SHANK2: variants seen among roughly 807,000 people sequenced by gnomAD.
The protein encoded by SHANK2 is SH3 and multiple ankyrin repeat domains 2, also known as SH3 and multiple ankyrin repeat domains protein 2.
Under a neutral mutation model 133.7 loss-of-function variants are expected in SHANK2, and 43 were observed. That is an observed-to-expected ratio of 0.32 (90% CI 0.25 to 0.41). SHANK2 has a LOEUF of 0.41. SHANK2 is among the 10% of genes least tolerant of loss of function. The probability of loss-of-function intolerance (pLI) is 1.00; values close to 1 mark genes in which losing one functional copy is unlikely to be tolerated. For synonymous variants in SHANK2, 1,017 were observed against 952.8 expected, an observed-to-expected ratio of 1.07 and a Z score of -1.24; for missense variants, 1,994 against 2,235.8, an observed-to-expected ratio of 0.89 and a Z score of 2.18.
chr11:70,687,023 G>A (rs1354679470), intron 15 of SHANK2, among the ~76,000 whole-genome samples: 1 of 152,220 alleles, frequency 6.6e-6, no homozygotes, highest in African/African-American at 2.4e-5. Context: ...GTCAGGCCCT[G>A]GAATCCCAAC....
At chr11:70,765,360 A>G (rs1168211523) in intron 14 of SHANK2, among the ~76,000 whole-genome samples, 1 of 152,202 alleles carries the variant, frequency 6.6e-6, no homozygotes, top group East Asian at 1.9e-4. Flanking sequence ...ATGACTGGGA[A>G]AGAGGCAGTC....
chr11:71,125,999 C>G (rs1160439990), intron 3 of SHANK2, among the ~76,000 whole-genome samples: 1 of 152,050 alleles, frequency 6.6e-6, no homozygotes, highest in Non-Finnish European at 1.5e-5. Context: ...GTGGGCGGAT[C>G]ATGAGGTCAA....
intron 17 of SHANK2, among the ~76,000 whole-genome samples, chr11:70,520,934 G>T (rs1391272380): frequency 3.3e-5 from 5 of 152,100 alleles, no homozygotes; most frequent in African/African-American, 1.2e-4. Flanking sequence ...TTCCTTTCCG[G>T]TTCTACAGGA....
At position 70,485,294 on chromosome 11, in the gene SHANK2, T is replaced by G. The variant is rs781892164; in HGVS notation, c.4979+20A>C. The G allele has an allele frequency of 6.2e-7, 1 of 1,604,598 alleles. No homozygotes were observed. Among genetic ancestry groups the G allele is most frequent in the Non-Finnish European group, 8.5e-7 (1 of 1,172,492 alleles). ...CAGTGCACGCAGAGCGGTGTGCATGTGCACCAACCGCGGACTTACCTTGGA... is the reference window on the plus strand; with the variant it reads ...CAGTGCACGCAGAGCGGTGTGCATGGGCACCAACCGCGGACTTACCTTGGA... On this transcript the variant is annotated intron_variant, in intron 25 of 25. Coordinates refer to ENST00000601538, the MANE Select transcript of SHANK2 (RefSeq NM_012309.5). This position sits in a 1 kb window ranked among gnomAD's most constrained non-coding sequence, Gnocchi z 5.8.
At chr11:70,734,440 C>T (rs552233218) in intron 14 of SHANK2, among the ~76,000 whole-genome samples, 9 of 152,296 alleles carry the variant, frequency 5.9e-5, no homozygotes, top group African/African-American at 2.2e-4. Context: ...TCCACACGCT[C>T]CACACTGACA....
intron 10 of SHANK2, among the ~76,000 whole-genome samples, chr11:70,916,323 G>A (rs1950268430): frequency 2.6e-5 from 4 of 152,164 alleles, no homozygotes; most frequent in Admixed American, 2.0e-4. Flanking sequence ...CATGGAAATG[G>A]CCTAGTTGCA....
chr11:71,247,845 G>A (rs2135832366), intron 1 of SHANK2, among the ~76,000 whole-genome samples: 2 of 152,312 alleles, frequency 1.3e-5, no homozygotes, highest in South Asian at 2.1e-4. Context: ...TACCCAGCAA[G>A]GACAATTTTA....
Position 70,804,297 on chromosome 11 carries a change from G to A in SHANK2, c.1663+2705C>T, listed in dbSNP as rs1948115243. Among the ~76,000 whole-genome samples, 1 of 152,184 alleles carries A rather than the reference G, an allele frequency of 6.6e-6. No individual in the cohort carries two copies. Among genetic ancestry groups the A allele is most frequent in the Non-Finnish European group, 1.5e-5 (1 of 68,024 alleles). On this transcript the variant is annotated intron_variant, in intron 13 of 25. Coordinates refer to ENST00000601538, the MANE Select transcript of SHANK2 (RefSeq NM_012309.5). The surrounding 1 kb of genome is among the most constrained non-coding windows in gnomAD (Gnocchi z 4.1). Reference sequence around the variant, plus strand: ...ACTGCCATGCAGGCAGCAAGGATGTGCGGGCCACCCCACGATGGGGAGGAG... The same window carrying A: ...ACTGCCATGCAGGCAGCAAGGATGTACGGGCCACCCCACGATGGGGAGGAG...
intron 17 of SHANK2, among the ~76,000 whole-genome samples, chr11:70,581,536 C>T (rs1315010729): frequency 7.2e-5 from 11 of 152,186 alleles, no homozygotes; most frequent in African/African-American, 2.6e-4. Context: ...ACTAAAAATA[C>T]AAAAATTAAC....
rs1164452135 is a variant in SHANK2, at chr11:70,914,717, T to TAAAAC, written c.1108-18155_1108-18151dup. On this transcript the variant is annotated intron_variant, in intron 10 of 25. Coordinates refer to ENST00000601538, the MANE Select transcript of SHANK2 (RefSeq NM_012309.5). ...TAAAATAAAATAAAATAAAATAAAA[T>TAAAAC]AAAACAAAACAAAACAAAGTAAAAT... 4.3e-4 allele frequency among the ~76,000 whole-genome samples: 63 copies of TAAAAC among 145,540 alleles called. 1 individual carries two copies. The highest frequency in any genetic ancestry group is 8.4e-4 in the African/African-American group (32 of 38,194).
At chr11:70,649,741 C>A (rs1357383183) in intron 17 of SHANK2, among the ~76,000 whole-genome samples, 1 of 152,228 alleles carries the variant, frequency 6.6e-6, no homozygotes, top group Admixed American at 6.5e-5. Context: ...GCCCACTATG[C>A]CTCCTGCAGC....
intron 2 of SHANK2, among the ~76,000 whole-genome samples, chr11:71,210,218 A>ATGTG (rs1954230205): frequency 3.8e-5 from 2 of 52,212 alleles, no homozygotes; most frequent in Non-Finnish European, 7.1e-5. Flanking sequence ...AGGTATATAT[A>ATGTG]TATATATATA....
At chr11:70,757,972 A>G (rs1555039318) in intron 14 of SHANK2, among the ~76,000 whole-genome samples, 2 of 152,130 alleles carry the variant, frequency 1.3e-5, no homozygotes, top group Admixed American at 1.3e-4. Context: ...GAGGTGAGAG[A>G]CAGAACTAGA....
intron 14 of SHANK2, among the ~76,000 whole-genome samples, chr11:70,716,180 G>T (rs1555027227): frequency 6.6e-6 from 1 of 152,196 alleles, no homozygotes; most frequent in East Asian, 1.9e-4. Flanking sequence ...CTCGAAGAAG[G>T]CCGATGATAA....
intron 2 of SHANK2, among the ~76,000 whole-genome samples, chr11:71,177,190 G>A (rs1389762139): frequency 6.6e-6 from 1 of 152,056 alleles, no homozygotes; most frequent in Non-Finnish European, 1.5e-5. Context: ...AAATTCTTGA[G>A]GCAGAAGAAA....
chr11:71,215,697 C>T (rs567447644), intron 2 of SHANK2, among the ~76,000 whole-genome samples: 1 of 152,312 alleles, frequency 6.6e-6, no homozygotes, highest in African/African-American at 2.4e-5. Context: ...ATCTACACCT[C>T]TCTCCCTGCA....
At chr11:70,797,265 A>G (rs1298479515) in intron 14 of SHANK2, among the ~76,000 whole-genome samples, 1 of 152,206 alleles carries the variant, frequency 6.6e-6, no homozygotes, top group Non-Finnish European at 1.5e-5. Context: ...TGTCATCGCC[A>G]CATCCAGAAA....
intron 11 of SHANK2, among the ~76,000 whole-genome samples, chr11:70,894,732 C>T (rs1555075326): frequency 6.6e-6 from 1 of 152,174 alleles, no homozygotes; most frequent in Non-Finnish European, 1.5e-5. Context: ...AACTCAGGAT[C>T]TGTGGAGCTG....
chr11:70,837,740 T>G (rs2135418837), intron 11 of SHANK2, among the ~76,000 whole-genome samples: 1 of 152,030 alleles, frequency 6.6e-6, no homozygotes, highest in South Asian at 2.1e-4. Context: ...TTTGGGAGGC[T>G]GAGGCAGGCA....
Sources: allele counts gnomAD v4.1 joint callset (sites outside exome capture counted in the v4.1 genomes callset), GRCh38; gene constraint gnomAD v4.1.1; non-coding constraint Gnocchi (gnomAD v3.1); transcripts MANE v1.5; gene names NCBI Gene and HGNC (gene_info 2026-07-23, HGNC 2026-07-21).